ANK3: variants seen among roughly 807,000 people sequenced by gnomAD.
ANK3 encodes ankyrin 3, also known as ankyrin-3.
In ANK3, 57 loss-of-function variants were observed where a neutral mutation model predicts 370.9. The ratio of observed to expected loss-of-function variants is 0.15; its 90% CI spans 0.12 to 0.19. ANK3 has a LOEUF of 0.19. Among genes scored for constraint, ANK3 ranks in the 10% least tolerant of loss-of-function variants. The pLI is 1.00. For synonymous variants in ANK3, 1,929 were observed against 1,946.3 expected, an observed-to-expected ratio of 0.99 and a Z score of 0.23; for missense variants, 4,439 against 5,302.1, an observed-to-expected ratio of 0.84 and a Z score of 5.06.
At chr10:60,289,090 TA>T (rs1348638419) in intron 1 of ANK3, among the ~76,000 whole-genome samples, 1 of 152,064 alleles carries the variant, frequency 6.6e-6, no homozygotes. Context: ...GACAATGTGA[TA>T]AGAAGACCTA....
chr10:60,240,281 CATAT>C lies in ANK3; in HGVS notation c.799-5499_799-5496del, dbSNP rs35855721. Among the ~76,000 whole-genome samples the C allele has an allele frequency of 9.2e-4, 81 of 88,340 alleles. 2 individuals carry two copies. Among genetic ancestry groups the C allele is most frequent in the Admixed American group, 3.3e-3 (30 of 8,992 alleles). The allele number at this position is 88,340 out of a possible 152,430, so 58.0% of individuals were successfully genotyped here. ...ATATACACATATATATACACACACA[CATAT>C]ATATATATATATATATATATATTTT... On this transcript the variant is annotated intron_variant, in intron 7 of 43. Transcript: ENST00000280772.
At chr10:60,714,039 T>A (rs2079748183) in intron 1 of ANK3, among the ~76,000 whole-genome samples, 1 of 151,896 alleles carries the variant, frequency 6.6e-6, no homozygotes, top group Non-Finnish European at 1.5e-5. Flanking sequence ...ATTACTCATA[T>A]CATAAATAAA....
chr10:60,525,760 A>G (rs2076453560), intron 2 of ANK3, among the ~76,000 whole-genome samples: 1 of 152,132 alleles, frequency 6.6e-6, no homozygotes, highest in Non-Finnish European at 1.5e-5. Context: ...GAGGGAATAG[A>G]ATGCCCACAT....
chr10:60,229,017 G>A (rs1203703253), intron 8 of ANK3, among the ~76,000 whole-genome samples: 1 of 152,090 alleles, frequency 6.6e-6, no homozygotes, highest in Admixed American at 6.6e-5. Flanking sequence ...AAAACTTTAG[G>A]AGAGGGAGAA....
intron 7 of ANK3, among the ~76,000 whole-genome samples, chr10:60,252,276 G>A (rs1231228608): frequency 6.6e-6 from 1 of 152,096 alleles, no homozygotes; most frequent in Non-Finnish European, 1.5e-5. Context: ...GCTCAAGGAG[G>A]GGACCAGGAT....
intron 23 of ANK3, among the ~76,000 whole-genome samples, chr10:60,141,609 C>A (rs1194464487): frequency 1.4e-5 from 2 of 144,240 alleles, no homozygotes; most frequent in Non-Finnish European, 3.0e-5. Context: ...CCCCCACCGC[C>A]CCCGAGAATA....
chr10:60,316,741 A>G (rs1355372189), intron 1 of ANK3, among the ~76,000 whole-genome samples: 1 of 151,058 alleles, frequency 6.6e-6, no homozygotes, highest in Admixed American at 6.6e-5. Context: ...ATATGTTTTT[A>G]TTTTTATTTT....
intron 2 of ANK3, among the ~76,000 whole-genome samples, chr10:60,485,294 C>T (rs1197779444): frequency 7.2e-6 from 1 of 138,662 alleles, no homozygotes; most frequent in East Asian, 2.0e-4. Flanking sequence ...GAGATTATGA[C>T]ACCTCCAATT....
intron 42 of ANK3, among the ~76,000 whole-genome samples, chr10:60,053,053 A>ATAGCCACTATCCT (rs1181938113): frequency 6.6e-6 from 1 of 152,250 alleles, no homozygotes; most frequent in Non-Finnish European, 1.5e-5. Context: ...AAAGAAAATC[A>ATAGCCACTATCCT]TAGCCACTAT....
At chr10:60,335,280 T>C (rs916618337) in intron 1 of ANK3, among the ~76,000 whole-genome samples, 1 of 151,500 alleles carries the variant, frequency 6.6e-6, no homozygotes, top group South Asian at 2.1e-4. Context: ...TCACATTCAA[T>C]CTCCAAGCAG....
intron 5 of ANK3, among the ~76,000 whole-genome samples, chr10:60,269,357 T>C (rs1051521322): frequency 1.3e-5 from 2 of 152,192 alleles, no homozygotes; most frequent in Non-Finnish European, 1.5e-5. Flanking sequence ...AAATGTGTAA[T>C]AGTTTTGGCT....
intron 1 of ANK3, among the ~76,000 whole-genome samples, chr10:60,363,932 T>C (rs2059012153): frequency 6.6e-6 from 1 of 151,764 alleles, no homozygotes; most frequent in Admixed American, 6.6e-5. Context: ...ACAAAGGTGT[T>C]ACCAGCCCAC....
In ANK3 at chr10:60,718,531, A is replaced by G. The variant is rs76136352; in HGVS notation, c.57+14732T>C. The stretch of plus-strand genomic sequence containing the variant: ...TTTTGGGCTTCAAACATAGAAGGAA[A>G]AAAAAAAGTATTCTTAATTTTACTC... On this transcript the variant is annotated intron_variant, in intron 1 of 43. Coordinates refer to the ANK3 transcript ENST00000373827. Among the ~76,000 whole-genome samples, 24 of 152,210 alleles carry G rather than the reference A, an allele frequency of 1.6e-4. No individual in the cohort carries two copies. In the East Asian group the frequency reaches 4.4e-3, roughly 28 times the overall value.
At chr10:60,348,968 T>C (rs551435011) in intron 1 of ANK3, among the ~76,000 whole-genome samples, 1 of 152,282 alleles carries the variant, frequency 6.6e-6, no homozygotes, top group African/African-American at 2.4e-5. Flanking sequence ...ACATCTCTCA[T>C]ACATATTTAT....
chr10:60,733,478 C>T, exon 1 of ANK3: 1 of 584,756 alleles, frequency 1.7e-6, no homozygotes, highest in Admixed American at 4.4e-5. Context: ...GCGGCCTATC[C>T]TCCTCCTGCT....
intron 25 of ANK3, among the ~76,000 whole-genome samples, chr10:60,122,231 T>C (rs1452405732): frequency 6.6e-6 from 1 of 152,262 alleles, no homozygotes; most frequent in Non-Finnish European, 1.5e-5. Context: ...TAAAGTGATG[T>C]ATCTGAATGA....
chr10:60,484,082 A>G (rs2075291152), intron 2 of ANK3, among the ~76,000 whole-genome samples: 1 of 152,236 alleles, frequency 6.6e-6, no homozygotes, highest in Non-Finnish European at 1.5e-5. Context: ...GAAGATAAGC[A>G]ATAATAAAGT....
At chr10:60,381,088 C>T (rs1169431595) in intron 1 of ANK3, among the ~76,000 whole-genome samples, 1 of 152,146 alleles carries the variant, frequency 6.6e-6, no homozygotes, top group Non-Finnish European at 1.5e-5. Flanking sequence ...ATCATGGACA[C>T]TGCCTAGATT....
At chr10:60,458,994 G>A (rs1412028933) in intron 2 of ANK3, among the ~76,000 whole-genome samples, 1 of 152,034 alleles carries the variant, frequency 6.6e-6, no homozygotes, top group Non-Finnish European at 1.5e-5. Flanking sequence ...TGTAAAATAT[G>A]GGAGAGTTTT....
Sources: gnomAD v4.1 joint callset for allele counts (sites outside exome capture counted in the v4.1 genomes callset) on GRCh38, gnomAD v4.1.1 for gene constraint, MANE v1.5 for transcripts, NCBI Gene and HGNC (gene_info 2026-07-23, HGNC 2026-07-21) for gene names.